Variants in IKZF2 observed in about 807,000 individuals in gnomAD.
The protein encoded by IKZF2 is zinc finger protein Helios.
IKZF2 carries 15 observed loss-of-function variants against 49.2 expected under a neutral mutation model. That is an observed-to-expected ratio of 0.30 (90% CI 0.20 to 0.47). The LOEUF is 0.47. Ranked by LOEUF, IKZF2 falls within the 20% of genes least tolerant of loss-of-function variation. The pLI, the probability that IKZF2 is intolerant of heterozygous loss-of-function variation, is 1.00. For synonymous variants in IKZF2, 227 were observed against 221.4 expected, an observed-to-expected ratio of 1.03 and a Z score of -0.23; for missense variants, 567 against 664.6, an observed-to-expected ratio of 0.85 and a Z score of 1.61.
chr2:213,073,457 G>A (rs1457452488), intron 4 of IKZF2, among the ~76,000 whole-genome samples: 1 of 152,018 alleles, frequency 6.6e-6, no homozygotes, highest in African/African-American at 2.4e-5. Flanking sequence ...ACAAATGATA[G>A]TAATCCATTA....
chr2:213,053,280 GTTGTT>G (rs1442553495), intron 5 of IKZF2, among the ~76,000 whole-genome samples: 2 of 151,904 alleles, frequency 1.3e-5, no homozygotes, highest in Non-Finnish European at 2.9e-5. Flanking sequence ...ATCTCAATCT[GTTGTT>G]TTGTTTTTAT....
chr2:213,049,620 G>T lies in IKZF2; in HGVS notation c.574+93C>A, dbSNP rs1700493615. The T allele has an allele frequency of 7.7e-6, 7 of 913,954 alleles. No homozygotes were observed. The East Asian group carries it at 8.0e-5, about 10-fold the overall frequency. 56.6% of individuals were successfully genotyped at this position (913,954 alleles called of 1,614,324 possible). On this transcript the variant is annotated intron_variant, in intron 6 of 8. Coordinates refer to ENST00000434687, the MANE Select transcript of IKZF2 (RefSeq NM_001387220.1). ...TAACAAGATTGTCTTGGTCATTACC[G>T]ACTACATAACAAAGCCATGTTACTA... is the stretch of plus-strand genomic sequence containing the variant.
At chr2:213,061,817 G>T (rs917722269) in intron 4 of IKZF2, among the ~76,000 whole-genome samples, 2 of 151,358 alleles carry the variant, frequency 1.3e-5, no homozygotes, top group Non-Finnish European at 3.0e-5. Flanking sequence ...CCATAAAAGA[G>T]TTCATGAGTT....
chr2:213,121,848 T>G (rs920460942), intron 4 of IKZF2, among the ~76,000 whole-genome samples: 34 of 152,350 alleles, frequency 2.2e-4, no homozygotes, highest in Non-Finnish European at 4.0e-4. Flanking sequence ...AAATCTAAAC[T>G]GATTATTTCT....
chr2:213,035,675 C>T (rs189737326), intron 6 of IKZF2, among the ~76,000 whole-genome samples: 43 of 152,258 alleles, frequency 2.8e-4, no homozygotes, highest in Admixed American at 2.2e-3. Context: ...AAAGAAACCT[C>T]GGGTTGCAAA....
In IKZF2 at chr2:213,063,590, AAC is replaced by A. The variant is rs1430987536; in HGVS notation, c.140-6493_140-6492del. 3.3e-5 allele frequency among the ~76,000 whole-genome samples: 5 copies of A among 152,118 alleles called. No individual in the cohort carries two copies. In the South Asian group the frequency reaches 6.2e-4, roughly 19 times the overall value. On this transcript the variant is annotated intron_variant, in intron 4 of 8. Transcript: ENST00000434687. Reference sequence around the variant, plus strand: ...AATGATAATAATAATAGAAAAATAAAACAGTTTTTATGATTTATAAAATACTG... The same window carrying A: ...AATGATAATAATAATAGAAAAATAAAAGTTTTTATGATTTATAAAATACTG...
intron 6 of IKZF2, among the ~76,000 whole-genome samples, chr2:213,031,404 T>C (rs1483354489): frequency 6.6e-6 from 1 of 152,162 alleles, no homozygotes; most frequent in Non-Finnish European, 1.5e-5. Context: ...AAATTGTATA[T>C]AAAAAAGTAT....
intron 4 of IKZF2, among the ~76,000 whole-genome samples, chr2:213,112,851 C>T (rs1245452422): frequency 6.6e-6 from 1 of 151,990 alleles, no homozygotes; most frequent in African/African-American, 2.4e-5. Context: ...TCTATAACAG[C>T]GGGGCAATAC....
intron 4 of IKZF2, among the ~76,000 whole-genome samples, chr2:213,109,046 CACA>C (rs2059620646): frequency 6.6e-6 from 1 of 151,990 alleles, no homozygotes; most frequent in Admixed American, 6.6e-5. Flanking sequence ...ATTCTTAAAG[CACA>C]TGGTTTTTAA....
intron 1 of IKZF2, 68 bp from the exon 2 acceptor site, chr2:213,150,315 G>T: frequency 1.8e-6 from 1 of 558,556 alleles, no homozygotes; most frequent in Non-Finnish European, 3.1e-6. Context: ...TCCCTCCCTT[G>T]CCCCCTCCAA....
At chr2:213,146,339 T>C (rs1304109689) in intron 4 of IKZF2, among the ~76,000 whole-genome samples, 1 of 152,070 alleles carries the variant, frequency 6.6e-6, no homozygotes, top group East Asian at 1.9e-4. Context: ...CATTATGAGA[T>C]TAGTATGATA....
intron 4 of IKZF2, among the ~76,000 whole-genome samples, chr2:213,063,994 C>T (rs908666896): frequency 1.3e-5 from 2 of 151,976 alleles, no homozygotes; most frequent in African/African-American, 4.8e-5. Flanking sequence ...TCTATCAAAA[C>T]TGGGATGCAT....
rs890402388 is a variant in IKZF2 at position 213,059,671 on chromosome 2, T to C, written c.140-2572A>G. 5.9e-5 allele frequency among the ~76,000 whole-genome samples: 9 copies of C among 151,658 alleles called. No homozygotes were observed. In the East Asian group the frequency reaches 1.7e-3, roughly 29 times the overall value. ...TAACTGAAAGTGTAGTTTTAGAACC[T>C]GAAACTATGAGTCTTTTAAATTTCA... On this transcript the variant is annotated intron_variant, in intron 4 of 8. Transcript: ENST00000434687.
chr2:213,071,385 G>T (rs1225972455), intron 4 of IKZF2, among the ~76,000 whole-genome samples: 1 of 152,114 alleles, frequency 6.6e-6, no homozygotes, highest in African/African-American at 2.4e-5. Flanking sequence ...CAAAGAATCT[G>T]CAGAGAAAAG....
At chr2:213,072,229 G>C (rs566202617) in intron 4 of IKZF2, among the ~76,000 whole-genome samples, 143 of 151,056 alleles carry the variant, frequency 9.5e-4, no homozygotes, top group African/African-American at 3.3e-3. Flanking sequence ...TATAAGAAAG[G>C]AGTAACTCGG....
intron 4 of IKZF2, among the ~76,000 whole-genome samples, chr2:213,125,380 A>G (rs1279676584): frequency 6.6e-6 from 1 of 152,244 alleles, no homozygotes; most frequent in Non-Finnish European, 1.5e-5. Context: ...AATTAAATAC[A>G]GAATTTCCAA....
At chr2:213,042,435 T>A (rs564616496) in intron 6 of IKZF2, among the ~76,000 whole-genome samples, 4 of 152,342 alleles carry the variant, frequency 2.6e-5, no homozygotes, top group Non-Finnish European at 4.4e-5. Flanking sequence ...CTTTGGTACG[T>A]CCGAGTATAC....
At chr2:213,039,648 G>T (rs764633962) in intron 6 of IKZF2, among the ~76,000 whole-genome samples, 1 of 151,928 alleles carries the variant, frequency 6.6e-6, no homozygotes, top group Non-Finnish European at 1.5e-5. Context: ...ACATTGTAAG[G>T]TTCCTCAAAT....
intron 6 of IKZF2, among the ~76,000 whole-genome samples, chr2:213,037,024 C>G (rs1326099423): frequency 6.6e-6 from 1 of 152,168 alleles, no homozygotes; most frequent in African/African-American, 2.4e-5. Flanking sequence ...TGCAGCCTCT[C>G]CACTTCTGTT....
Sources: allele counts gnomAD v4.1 joint callset (sites outside exome capture counted in the v4.1 genomes callset), GRCh38; gene constraint gnomAD v4.1.1; transcripts MANE v1.5; gene names NCBI Gene and HGNC (gene_info 2026-07-23, HGNC 2026-07-21).